NDUFB9: variants seen among roughly 807,000 people sequenced by gnomAD.
NDUFB9 encodes the protein NADH dehydrogenase [ubiquinone] 1 beta subcomplex subunit 9.
A neutral mutation model predicts 30.2 loss-of-function variants in NDUFB9; 24 were observed. That is an observed-to-expected ratio of 0.80 (90% CI 0.58 to 1.12). NDUFB9 has a LOEUF of 1.12. Ranked by LOEUF, NDUFB9 falls within the 50% of genes most tolerant of loss-of-function variation. The pLI, the probability that NDUFB9 is intolerant of heterozygous loss-of-function variation, is 0.00. For synonymous variants in NDUFB9, 80 were observed against 84.0 expected (o/e 0.95, Z 0.26); for missense variants, 204 against 226.0 (o/e 0.90, Z 0.62).
chr8:124,546,843 T>A, intron 2 of NDUFB9, 157 bp from the exon 3 acceptor site: 4 of 711,462 alleles, frequency 5.6e-6, no homozygotes, highest in Non-Finnish European at 1.0e-5. Context: ...TTCCTACTTA[T>A]CCTCTGCTGT....
chr8:124,542,341 C>T (rs766290363), intron 1 of NDUFB9, among the ~76,000 whole-genome samples: 34 of 152,294 alleles, frequency 2.2e-4, no homozygotes, highest in Middle Eastern at 3.4e-3. Flanking sequence ...TGTGAGCCAC[C>T]GCACCTGACC....
In NDUFB9 at chr8:124,543,139, A is replaced by G. The variant is rs769836178; in HGVS notation, c.154A>G (p.Lys52Glu). The change falls in exon 2 of 4, where the codon AAG becomes GAG. Residue 52 changes from lysine to glutamate, a missense_variant. By Grantham distance (56) the Lys-to-Glu change is moderately conservative. Transcript: ENST00000276689. ...CLMRARFEEH[K>E]NEKDMAKATQ... is the part of the protein sequence containing the mutation. ...GATGAGAGCCCGGTTTGAAGAACAT[A>G]AGAATGAAAAGGATATGGCGAAGGC... The G allele has an allele frequency of 4.3e-6, 7 of 1,614,252 alleles. No individual in the cohort carries two copies. In the East Asian group the frequency reaches 1.6e-4, roughly 36 times the overall value.
chr8:124,547,788 C>T (rs111437609), intron 3 of NDUFB9, among the ~76,000 whole-genome samples: 2 of 152,120 alleles, frequency 1.3e-5, no homozygotes, highest in African/African-American at 4.8e-5. Flanking sequence ...TGACGACCAG[C>T]CTGACTAACA....
intron 2 of NDUFB9, among the ~76,000 whole-genome samples, chr8:124,544,654 G>A (rs1014420952): frequency 1.3e-5 from 2 of 152,154 alleles, no homozygotes; most frequent in Non-Finnish European, 2.9e-5. Flanking sequence ...AACAAAGCCT[G>A]AATTACAGCA....
At chr8:124,541,403 C>T (rs944655320) in intron 1 of NDUFB9, among the ~76,000 whole-genome samples, 1 of 152,184 alleles carries the variant, frequency 6.6e-6, no homozygotes, top group Non-Finnish European at 1.5e-5. Context: ...CATACTCATA[C>T]ACCATGTATA....
At chr8:124,543,379 A>G (rs879573840) in intron 2 of NDUFB9, 100 bp downstream of exon 2, 18 of 1,242,322 alleles carry the variant, frequency 1.4e-5, no homozygotes, top group African/African-American at 3.0e-5. Context: ...AGGGGTAGCT[A>G]GGAGACTTAT....
chr8:124,549,885 C>T lies in NDUFB9; in HGVS notation c.533C>T (p.Pro178Leu). The change falls in exon 4 of 4, where the codon CCC becomes CTC. Residue 178 changes from proline (P) to leucine (L), a missense_variant. Transcript: ENST00000276689. ...ATTGTGACCAGACCCCGGGAGCGGCCCATGTAGAAAGAGAGAGACCTCATC... is the reference window on the plus strand; with the variant it reads ...ATTGTGACCAGACCCCGGGAGCGGCTCATGTAGAAAGAGAGAGACCTCATC... ...WYIVTRPRERPM is the reference protein window; with the variant it reads ...WYIVTRPRERLM 1 of 1,614,070 alleles carries T rather than the reference C, an allele frequency of 6.2e-7. No homozygotes were observed. The highest frequency in any genetic ancestry group is 8.5e-7 in the Non-Finnish European group (1 of 1,180,002).
chr8:124,547,171 T>A (rs1462352805), intron 3 of NDUFB9, 58 bp downstream of exon 3: 1 of 1,350,018 alleles, frequency 7.4e-7, no homozygotes, highest in African/African-American at 1.4e-5. Flanking sequence ...GAAGTTTTGC[T>A]CCCCACAAGC....
Position 124,543,041 on chromosome 8 carries a change from C to T in NDUFB9, c.102-46C>T, listed in dbSNP as rs72714706. Reference sequence around the variant, plus strand: ...TCCTGTCAGACAGCAACACTGACCACGTGAGTAGGTAACATTTCTAATCTT... The same window carrying T: ...TCCTGTCAGACAGCAACACTGACCATGTGAGTAGGTAACATTTCTAATCTT... On this transcript the variant is annotated intron_variant, in intron 1 of 3. Coordinates refer to ENST00000276689, the MANE Select transcript of NDUFB9 (RefSeq NM_005005.3). 0.069 allele frequency: 109,439 copies of T among 1,595,102 alleles called. 6,910 individuals are homozygous for T. Among genetic ancestry groups the T allele is most frequent in the South Asian group, 0.28 (25,231 of 90,464 alleles).
Position 124,544,237 on chromosome 8 carries a change from A to G in NDUFB9, c.294+958A>G, listed in dbSNP as rs112168473. 8.4e-3 allele frequency among the ~76,000 whole-genome samples: 1,281 copies of G among 152,324 alleles called. 11 individuals are homozygous for G. Among genetic ancestry groups the G allele is most frequent in the African/African-American group, 0.02 (832 of 41,576 alleles). On this transcript the variant is annotated intron_variant, in intron 2 of 3. Transcript: ENST00000276689. ...GCTGAGAGAGATGAGGAAGCTGCAG[A>G]AAAAAAGTTGGAAGCTAATAGAGGT... is the stretch of plus-strand genomic sequence containing the variant.
At chr8:124,547,518 C>G (rs1273179392) in intron 3 of NDUFB9, 3 of 488,440 alleles carry the variant, frequency 6.1e-6, no homozygotes, top group Non-Finnish European at 7.3e-6. Context: ...AGAGGAGAAG[C>G]AGAGAGACCC....
chr8:124,549,376 T>G (rs534037808), intron 3 of NDUFB9, among the ~76,000 whole-genome samples: 1 of 152,294 alleles, frequency 6.6e-6, no homozygotes, highest in Non-Finnish European at 1.5e-5. Context: ...TGGAGAACAC[T>G]TAGCTGAGAC....
At chr8:124,539,464 C>T (rs1394529712) in intron 1 of NDUFB9, 177 bp downstream of exon 1, 3 of 631,124 alleles carry the variant, frequency 4.8e-6, no homozygotes, top group South Asian at 3.7e-5. Flanking sequence ...CACTTATGGC[C>T]GGGAGACCTT....
intron 1 of NDUFB9, chr8:124,539,509 T>G: frequency 1.8e-6 from 1 of 565,670 alleles, no homozygotes; most frequent in South Asian, 2.1e-5. Context: ...CGTCAGCTTT[T>G]TGTTTAGTAA....
chr8:124,549,631 T>C lies in NDUFB9; in HGVS notation c.409-130T>C. The C allele has an allele frequency of 7.0e-6, 6 of 859,080 alleles. No individual in the cohort carries two copies. The South Asian group carries it at 8.5e-5, about 12-fold the overall frequency. 53.2% of individuals were successfully genotyped at this position (859,080 alleles called of 1,614,324 possible). ...GGTATATGTAAAAAACACTTTTCAA[T>C]ATTGTGATCAGATAGTGTGTAATGT... is the stretch of plus-strand genomic sequence containing the variant. On this transcript the variant is annotated intron_variant, in intron 3 of 3. Transcript: ENST00000276689.
intron 1 of NDUFB9, among the ~76,000 whole-genome samples, chr8:124,542,697 A>G (rs947013360): frequency 8.5e-5 from 13 of 152,176 alleles, no homozygotes; most frequent in Non-Finnish European, 1.8e-4. Flanking sequence ...TTGTATCTCC[A>G]GAATTTAGCA....
chr8:124,542,353 G>A (rs1822032497), intron 1 of NDUFB9, among the ~76,000 whole-genome samples: 1 of 152,192 alleles, frequency 6.6e-6, no homozygotes, highest in South Asian at 2.1e-4. Context: ...CACCTGACCA[G>A]AAGACAGTAA....
At position 124,542,802 on chromosome 8, in the gene NDUFB9, CTTTTCT is replaced by C. The variant is rs1324446201; in HGVS notation, c.102-280_102-275del. 195 of 350,556 alleles carry C rather than the reference CTTTTCT, an allele frequency of 5.6e-4. 1 individual carries two copies. The highest frequency in any genetic ancestry group is 7.6e-4 in the Non-Finnish European group (155 of 204,856). 21.7% of individuals were successfully genotyped at this position (350,556 alleles called of 1,614,324 possible). ...TTATAGCTTTTCTCTTGCGAATGCT[CTTTTCT>C]TTTTTTTTTTTTTTTTTTTTGTTTA... is the stretch of plus-strand genomic sequence containing the variant. On this transcript the variant is annotated intron_variant, in intron 1 of 3. Coordinates refer to ENST00000276689, the MANE Select transcript of NDUFB9 (RefSeq NM_005005.3).
intron 1 of NDUFB9, among the ~76,000 whole-genome samples, chr8:124,541,024 GGC>G (rs1391759349): frequency 6.6e-6 from 1 of 152,138 alleles, no homozygotes; most frequent in African/African-American, 2.4e-5. Context: ...AAATTAGCCA[GGC>G]GTGGTGGTGG....
Sources: gnomAD v4.1 joint callset for allele counts (sites outside exome capture counted in the v4.1 genomes callset) on GRCh38, gnomAD v4.1.1 for gene constraint, MANE v1.5 for transcripts, NCBI Gene and HGNC (gene_info 2026-07-23, HGNC 2026-07-21) for gene names.